CLASP1: variants seen among roughly 807,000 people sequenced by gnomAD.
The protein encoded by CLASP1 is cytoplasmic linker associated protein 1, also known as CLIP-associating protein 1.
Under a neutral mutation model 192.3 loss-of-function variants are expected in CLASP1, and 38 were observed. That is an observed-to-expected ratio of 0.20 (90% confidence interval 0.15 to 0.26). The LOEUF is 0.26. Among genes scored for constraint, CLASP1 ranks in the 10% least tolerant of loss-of-function variants. The pLI is 1.00. For synonymous variants in CLASP1, 691 were observed against 712.8 expected (o/e 0.97, Z 0.49); for missense variants, 1,433 against 1,932.5 (o/e 0.74, Z 4.85).
intron 8 of CLASP1, among the ~76,000 whole-genome samples, chr2:121,476,625 C>G (rs2091649298): frequency 6.6e-6 from 1 of 152,192 alleles, no homozygotes; most frequent in Non-Finnish European, 1.5e-5. Flanking sequence ...TCCTTCTCTT[C>G]TTCTGAGGCA....
At chr2:121,389,915 T>C (rs533651400) in intron 30 of CLASP1, among the ~76,000 whole-genome samples, 34 of 152,276 alleles carry the variant, frequency 2.2e-4, no homozygotes, top group African/African-American at 3.4e-4. Context: ...CAGGCTGGAG[T>C]GCAGTAGCTG....
At chr2:121,512,696 GTCTCTT>G (rs1242595301) in intron 7 of CLASP1, among the ~76,000 whole-genome samples, 6 of 152,122 alleles carry the variant, frequency 3.9e-5, no homozygotes, top group Non-Finnish European at 8.8e-5. Flanking sequence ...GGTTGTACAG[GTCTCTT>G]TTCTCAACTG....
chr2:121,407,371 A>T (rs2077075765), intron 25 of CLASP1, 100 bp downstream of exon 26: 1 of 1,336,524 alleles, frequency 7.5e-7, no homozygotes, highest in Non-Finnish European at 1.0e-6. Context: ...TCCATTAATT[A>T]TAGGAATTAG....
At chr2:121,416,832 A>T (rs779892995) in intron 23 of CLASP1, among the ~76,000 whole-genome samples, 8 of 152,104 alleles carry the variant, frequency 5.3e-5, no homozygotes, top group Non-Finnish European at 1.0e-4. Flanking sequence ...TCTGCCTAAG[A>T]CTCTGACGAT....
At chr2:121,417,180 G>C (rs1050564019) in intron 23 of CLASP1, among the ~76,000 whole-genome samples, 1 of 152,082 alleles carries the variant, frequency 6.6e-6, no homozygotes, top group African/African-American at 2.4e-5. Flanking sequence ...AAACAGACCA[G>C]ATTCACTCAA....
At chr2:121,611,855 AG>A (rs1251243468) in intron 1 of CLASP1, among the ~76,000 whole-genome samples, 1 of 150,560 alleles carries the variant, frequency 6.6e-6, no homozygotes, top group Non-Finnish European at 1.5e-5. Context: ...GCATTGGAGG[AG>A]TTACAGGATA....
chr2:121,346,525 T>C (rs1382573932), intron 39 of CLASP1, among the ~76,000 whole-genome samples: 1 of 152,250 alleles, frequency 6.6e-6, no homozygotes, highest in Non-Finnish European at 1.5e-5. Flanking sequence ...GTCTGCCTCC[T>C]GGAGTCAGGT....
At chr2:121,438,201 G>A (rs2082631535) in intron 19 of CLASP1, among the ~76,000 whole-genome samples, 1 of 152,138 alleles carries the variant, frequency 6.6e-6, no homozygotes, top group Admixed American at 6.5e-5. Context: ...TTCCTGGCAG[G>A]CACCCTTGGG....
In CLASP1 at chr2:121,530,915, T is replaced by G. The variant is rs1048449886; in HGVS notation, c.196-590A>C. ...TTCTTGGGGTTGCGCTACTGTCCAA[T>G]GAGCGCATAGTGAGGGCAGTACTGC... is the stretch of plus-strand genomic sequence containing the variant. On this transcript the variant is annotated intron_variant, in intron 2 of 39. Transcript: ENST00000263710. 1.5e-4 allele frequency: 106 copies of G among 699,208 alleles called. No individual in the cohort carries two copies. Among genetic ancestry groups the G allele is most frequent in the East Asian group, 3.5e-4 (13 of 37,264 alleles). The allele number at this position is 699,208 out of a possible 1,614,324, so 43.3% of individuals were successfully genotyped here. A position where few individuals can be genotyped will look rare whatever the true frequency, so the allele number is the denominator to read the frequency against.
intron 30 of CLASP1, among the ~76,000 whole-genome samples, chr2:121,396,469 T>C (rs992974496): frequency 2.0e-5 from 3 of 152,232 alleles, no homozygotes; most frequent in African/African-American, 7.2e-5. Flanking sequence ...ATCAGGCTAA[T>C]CATTCGAAAT....
intron 2 of CLASP1, chr2:121,531,111 T>A: frequency 1.6e-6 from 1 of 638,622 alleles, no homozygotes; most frequent in Non-Finnish European, 2.9e-6. Flanking sequence ...GACGCGTGGT[T>A]TTAGTGTCGC....
chr2:121,598,192 G>C (rs1559726868), intron 2 of CLASP1, among the ~76,000 whole-genome samples: 1 of 152,174 alleles, frequency 6.6e-6, no homozygotes, highest in Non-Finnish European at 1.5e-5. Context: ...CCGCCATGGT[G>C]TAGCATAGTG....
intron 22 of CLASP1, among the ~76,000 whole-genome samples, chr2:121,420,516 C>G (rs1227482792): frequency 6.6e-6 from 1 of 152,152 alleles, no homozygotes; most frequent in African/African-American, 2.4e-5. Context: ...GCCACTTGGC[C>G]TCTTTGGGTC....
At position 121,348,941 on chromosome 2, in the gene CLASP1, C is replaced by CT. The variant is rs1382985341; in HGVS notation, c.4207-224dup. On this transcript the variant is annotated intron_variant, in intron 37 of 39. Transcript: ENST00000263710. ...AGGTCTAGGGGATTCTAGGAAAAAC[C>CT]TTAGAAAAGTGGTACTCGGCCGGGC... Among the ~76,000 whole-genome samples, 18 of 152,160 alleles carry CT rather than the reference C, an allele frequency of 1.2e-4. No homozygotes were observed. The East Asian group carries it at 3.3e-3, about 28-fold the overall frequency.
chr2:121,609,898 C>T (rs2064985812), intron 1 of CLASP1, among the ~76,000 whole-genome samples: 2 of 152,126 alleles, frequency 1.3e-5, no homozygotes, highest in South Asian at 2.1e-4. Context: ...CCGATCACGC[C>T]ACTGCACTCC....
At chr2:121,560,278 A>T (rs1461781042) in intron 2 of CLASP1, among the ~76,000 whole-genome samples, 3 of 152,266 alleles carry the variant, frequency 2.0e-5, no homozygotes, top group African/African-American at 7.2e-5. Flanking sequence ...TGAAGTTTTT[A>T]AAAACAGCAA....
chr2:121,571,727 G>A (rs1348771953), intron 2 of CLASP1, among the ~76,000 whole-genome samples: 1 of 152,172 alleles, frequency 6.6e-6, no homozygotes, highest in Non-Finnish European at 1.5e-5. Flanking sequence ...CCATACCGAG[G>A]AAAGAGAATG....
chr2:121,630,448 T>C (rs1236298137), intron 1 of CLASP1, among the ~76,000 whole-genome samples: 1 of 150,356 alleles, frequency 6.7e-6, no homozygotes, highest in Non-Finnish European at 1.5e-5. Context: ...ATTCAGTAAA[T>C]CTTCTGTATC....
rs548879708 is a variant in CLASP1 at position 121,404,219 on chromosome 2, A to C, written c.2733+152T>G. The C allele has an allele frequency of 2.3e-5, 31 of 1,337,350 alleles. 1 individual carries two copies. In the South Asian group the frequency reaches 5.5e-4, roughly 24 times the overall value. 82.8% of individuals were successfully genotyped at this position (1,337,350 alleles called of 1,614,324 possible). On this transcript the variant is annotated intron_variant, in intron 26 of 39. Transcript: ENST00000263710. ...AAGTTTCCAAGAATTCTGTTTTTAA[A>C]AGATGTAACATACACTAGTGCTGAA...
Sources: allele counts gnomAD v4.1 joint callset (sites outside exome capture counted in the v4.1 genomes callset), GRCh38; gene constraint gnomAD v4.1.1; transcripts MANE v1.5; gene names NCBI Gene and HGNC (gene_info 2026-07-23, HGNC 2026-07-21).